FRMPD4: variants seen among roughly 807,000 people sequenced by gnomAD.
FRMPD4 encodes FERM and PDZ domain containing 4, also known as FERM and PDZ domain-containing protein 4.
A neutral mutation model predicts 94.1 loss-of-function variants in FRMPD4; 22 were observed. The ratio of observed to expected loss-of-function variants is 0.23; its 90% confidence interval spans 0.17 to 0.33. The LOEUF is 0.33. Among genes scored for constraint, FRMPD4 ranks in the 10% least tolerant of loss-of-function variants. The pLI is 1.00. For missense variants in FRMPD4, 1,111 were observed against 1,339.9 expected (o/e 0.83, Z 2.67); for synonymous variants, 631 against 548.6 (o/e 1.15, Z -2.10).
intron 5 of FRMPD4, among the ~76,000 whole-genome samples, chrX:12,680,019 CTGCTATA>C (rs1296336890): frequency 5.4e-5 from 6 of 111,916 alleles, no homozygotes; most frequent in Non-Finnish European, 9.4e-5. Context: ...CACTCAATAC[CTGCTATA>C]TAAGTAATAC....
intron 1 of FRMPD4, among the ~76,000 whole-genome samples, chrX:12,265,990 G>A (rs1243198360): frequency 1.9e-5 from 2 of 108,003 alleles, no homozygotes; most frequent in African/African-American, 3.4e-5. Context: ...AAAATTAGCC[G>A]GGCGCGGTGG....
chrX:11,985,111 C>T (rs2054420825), intron 3 of FRMPD4, among the ~76,000 whole-genome samples: 1 of 111,760 alleles, frequency 8.9e-6, no homozygotes, highest in Non-Finnish European at 1.9e-5. Context: ...ATATTAACAA[C>T]TAATTACACA....
intron 1 of FRMPD4, among the ~76,000 whole-genome samples, chrX:11,835,493 G>A (rs762138323): frequency 3.6e-5 from 4 of 112,190 alleles, no homozygotes; most frequent in African/African-American, 1.3e-4. Context: ...CACGTACAAC[G>A]TGGCATCATA....
At chrX:12,539,457 G>A (rs1174535096) in intron 2 of FRMPD4, among the ~76,000 whole-genome samples, 2 of 111,367 alleles carry the variant, frequency 1.8e-5, no homozygotes, top group Admixed American at 9.5e-5. Flanking sequence ...GATACTCCTC[G>A]AGAAGAGCAA....
chrX:11,900,114 T>C (rs964872451), intron 3 of FRMPD4, among the ~76,000 whole-genome samples: 4 of 111,889 alleles, frequency 3.6e-5, no homozygotes, highest in African/African-American at 9.8e-5. Context: ...TTATTTAACA[T>C]GTGGTAACAG....
intron 4 of FRMPD4, among the ~76,000 whole-genome samples, chrX:12,661,823 G>A (rs1179751728): frequency 1.8e-5 from 2 of 111,957 alleles, no homozygotes; most frequent in East Asian, 5.6e-4. Flanking sequence ...AAAGGTCAAC[G>A]AGATAAAGCA....
intron 3 of FRMPD4, among the ~76,000 whole-genome samples, chrX:12,103,556 T>G (rs936474995): frequency 2.2e-4 from 25 of 111,970 alleles, no homozygotes; most frequent in African/African-American, 6.8e-4. Flanking sequence ...ATAGATGATA[T>G]GTAAACAAAG....
At chrX:12,276,736 C>G (rs1049247080) in intron 1 of FRMPD4, among the ~76,000 whole-genome samples, 2 of 111,728 alleles carry the variant, frequency 1.8e-5, no homozygotes, top group African/African-American at 6.5e-5. Flanking sequence ...TTGGAATGCC[C>G]TTGGCTGAGA....
intron 10 of FRMPD4, among the ~76,000 whole-genome samples, chrX:12,703,807 C>T (rs2041829620): frequency 8.9e-6 from 1 of 111,824 alleles, no homozygotes; most frequent in South Asian, 3.8e-4. Flanking sequence ...AATTCCACAC[C>T]ACCAGCAAGA....
intron 2 of FRMPD4, among the ~76,000 whole-genome samples, chrX:12,565,531 C>A (rs1183578762): frequency 9.0e-6 from 1 of 111,536 alleles, no homozygotes; most frequent in Non-Finnish European, 1.9e-5. Flanking sequence ...AAATGTCAGC[C>A]CAACCCAATT....
intron 3 of FRMPD4, among the ~76,000 whole-genome samples, chrX:11,902,375 A>T (rs5978473): frequency 1.8e-5 from 2 of 110,229 alleles, no homozygotes; most frequent in South Asian, 3.9e-4. Flanking sequence ...CTCTTCCTGA[A>T]GCACATGGCC....
intron 3 of FRMPD4, among the ~76,000 whole-genome samples, chrX:11,886,495 G>A (rs926534557): frequency 9.0e-5 from 10 of 111,638 alleles, no homozygotes; most frequent in African/African-American, 3.3e-4. Context: ...CAGTGACTGT[G>A]CTTTGCCCTT....
intron 1 of FRMPD4, among the ~76,000 whole-genome samples, chrX:12,291,399 A>G (rs749540331): frequency 2.2e-4 from 25 of 111,680 alleles, no homozygotes; most frequent in African/African-American, 8.1e-4. Flanking sequence ...GGCTCCCTTT[A>G]AGGCCTCATA....
intron 1 of FRMPD4, among the ~76,000 whole-genome samples, chrX:11,855,821 T>C (rs1361702254): frequency 8.9e-6 from 1 of 112,092 alleles, no homozygotes; most frequent in Admixed American, 9.4e-5. Context: ...TCCTGTCTTC[T>C]TCTGAGCCCT....
At chrX:12,083,367 G>A (rs1393581046) in intron 3 of FRMPD4, among the ~76,000 whole-genome samples, 1 of 112,972 alleles carries the variant, frequency 8.9e-6, no homozygotes, top group Non-Finnish European at 1.9e-5. Context: ...GTCAAGAATT[G>A]AGGTTTGGGA....
chrX:12,439,141 T>C (rs1469588925), intron 1 of FRMPD4, among the ~76,000 whole-genome samples: 1 of 111,336 alleles, frequency 9.0e-6, no homozygotes, highest in Non-Finnish European at 1.9e-5. Context: ...ATGAAATCCA[T>C]TATGAAAGAT....
At chrX:12,434,230 G>A (rs751094382) in intron 1 of FRMPD4, among the ~76,000 whole-genome samples, 9 of 112,522 alleles carry the variant, frequency 8.0e-5, no homozygotes, top group Non-Finnish European at 1.7e-4. Context: ...GGGAACCTCT[G>A]TGATGAATAT....
At chrX:12,134,666 G>A (rs1050944434), upstream of FRMPD4, among the ~76,000 whole-genome samples, 2 of 111,828 alleles carry the variant, frequency 1.8e-5, no homozygotes, top group Non-Finnish European at 3.8e-5. Context: ...AGAATCCCCC[G>A]GGGCATAAAA....
At chrX:12,568,029 A>C (rs2058729475) in intron 2 of FRMPD4, among the ~76,000 whole-genome samples, 1 of 111,739 alleles carries the variant, frequency 8.9e-6, no homozygotes, top group Admixed American at 9.6e-5. Flanking sequence ...CAAAATGGAA[A>C]GGTTTCTTTG....
Sources: allele counts gnomAD v4.1 joint callset (sites outside exome capture counted in the v4.1 genomes callset), GRCh38; gene constraint gnomAD v4.1.1; transcripts MANE v1.5; gene names NCBI Gene and HGNC (gene_info 2026-07-23, HGNC 2026-07-21).